The following GPAT3 variants were observed in gnomAD, a reference collection of about 807,000 sequenced individuals.
GPAT3 encodes glycerol-3-phosphate acyltransferase 3.
In GPAT3, 53 loss-of-function variants were observed where a neutral mutation model predicts 58.8. The observed-to-expected ratio is 0.90, with a 90% CI of 0.72 to 1.13. The LOEUF (loss-of-function observed/expected upper bound fraction) is 1.13. GPAT3 is among the 50% of genes most tolerant of loss of function. GPAT3 has a pLI of 0.00. For synonymous variants in GPAT3, 197 were observed against 187.4 expected (o/e 1.05, Z -0.42); for missense variants, 511 against 527.6 (o/e 0.97, Z 0.31).
At chr4:83,579,017 C>CCTTTCCTTCTTT (rs1725953106) in intron 2 of GPAT3, among the ~76,000 whole-genome samples, 3 of 46,528 alleles carry the variant, frequency 6.4e-5, no homozygotes, top group Non-Finnish European at 1.2e-4. Context: ...TCCTTCTTTC[C>CCTTTCCTTCTTT]CTTTCTTTCT....
chr4:83,539,504 C>G (rs1015590662), intron 1 of GPAT3, among the ~76,000 whole-genome samples: 1 of 152,190 alleles, frequency 6.6e-6, no homozygotes, highest in Non-Finnish European at 1.5e-5. Context: ...AACTCAAATT[C>G]TAGAAGTTGA....
intron 3 of GPAT3, among the ~76,000 whole-genome samples, chr4:83,583,624 G>A (rs56003368): frequency 0.2 from 25,502 of 124,710 alleles, 2,989 homozygotes; most frequent in East Asian, 0.36. Context: ...CCAGGATCAC[G>A]CTACTACACT....
chr4:83,590,194 T>C lies in GPAT3; in HGVS notation c.645-5T>C, dbSNP rs759048988. On this transcript the variant is annotated splice_region_variant and splice_polypyrimidine_tract_variant and intron_variant, in intron 5 of 11. Coordinates refer to ENST00000264409, the MANE Select transcript of GPAT3 (RefSeq NM_032717.5). ...CTTCGAATTTTCCATTGTTTGTAAT[T>C]GCAGGCAGTACAGACCCCAGAAGGG... The C allele has an allele frequency of 4.3e-6, 7 of 1,609,948 alleles. No individual in the cohort carries two copies. In the South Asian group the frequency reaches 7.8e-5, roughly 18 times the overall value.
At chr4:83,566,216 T>C (rs1725376594) in intron 2 of GPAT3, among the ~76,000 whole-genome samples, 1 of 152,088 alleles carries the variant, frequency 6.6e-6, no homozygotes, top group South Asian at 2.1e-4. Context: ...ATTTTTGTAT[T>C]TTTGTAGAGA....
chr4:83,547,078 G>A (rs1257588811), intron 2 of GPAT3, among the ~76,000 whole-genome samples: 1 of 151,972 alleles, frequency 6.6e-6, no homozygotes, highest in African/African-American at 2.4e-5. Flanking sequence ...AGAGCACCAT[G>A]TCTCTGTACC....
chr4:83,554,783 A>G (rs1724887716), intron 2 of GPAT3, among the ~76,000 whole-genome samples: 1 of 149,536 alleles, frequency 6.7e-6, no homozygotes, highest in African/African-American at 2.5e-5. Context: ...TACACATGGA[A>G]TGGAATGGAA....
intron 2 of GPAT3, among the ~76,000 whole-genome samples, chr4:83,576,412 TTTTATTTATTTATTTATTTA>T (rs35514780): frequency 6.3e-5 from 9 of 142,684 alleles, no homozygotes; most frequent in African/African-American, 2.3e-4. Flanking sequence ...GAAAATATCA[TTTTATTTATTTATTTATTTA>T]TTTATTTATT....
At chr4:83,596,940 A>G (rs931447108) in intron 8 of GPAT3, 27 bp downstream of exon 8, 8 of 1,587,916 alleles carry the variant, frequency 5.0e-6, no homozygotes, top group African/African-American at 4.1e-5. Flanking sequence ...CTCCCGAGCT[A>G]TAGTTGATAA....
intron 3 of GPAT3, among the ~76,000 whole-genome samples, chr4:83,582,720 G>A (rs1726193143): frequency 6.6e-6 from 1 of 152,052 alleles, no homozygotes; most frequent in East Asian, 1.9e-4. Flanking sequence ...TTATTACCAG[G>A]GAAAGTATTG....
intron 2 of GPAT3, among the ~76,000 whole-genome samples, chr4:83,558,256 A>G (rs12331142): frequency 0.16 from 24,624 of 152,004 alleles, 2,289 homozygotes; most frequent in East Asian, 0.31. Flanking sequence ...TGATGAATGA[A>G]CCATCAGAGA....
At chr4:83,603,025 G>A (rs1025882701) in intron 11 of GPAT3, among the ~76,000 whole-genome samples, 7 of 152,138 alleles carry the variant, frequency 4.6e-5, no homozygotes, top group Admixed American at 1.3e-4. Context: ...GTCTCAAGCC[G>A]GTGTCTCTGT....
At chr4:83,595,611 T>C (rs142817922) in intron 7 of GPAT3, among the ~76,000 whole-genome samples, 3,411 of 152,016 alleles carry the variant, frequency 0.022, 119 homozygotes, top group African/African-American at 0.078. Context: ...TGGTCCCAGC[T>C]ACTTGGGAGG....
intron 2 of GPAT3, among the ~76,000 whole-genome samples, chr4:83,564,470 G>A (rs555626281): frequency 2.6e-5 from 4 of 152,164 alleles, no homozygotes; most frequent in African/African-American, 7.2e-5. Flanking sequence ...AGGCTGAGGC[G>A]GGAGGATAGC....
intron 2 of GPAT3, among the ~76,000 whole-genome samples, chr4:83,557,222 A>C (rs1259409021): frequency 6.6e-6 from 1 of 152,240 alleles, no homozygotes; most frequent in Non-Finnish European, 1.5e-5. Context: ...TCAGTTATAA[A>C]AAAGGGGAGG....
intron 2 of GPAT3, among the ~76,000 whole-genome samples, chr4:83,570,275 T>C (rs965695836): frequency 6.6e-6 from 1 of 152,164 alleles, no homozygotes; most frequent in African/African-American, 2.4e-5. Context: ...TTGGAGATAA[T>C]ACAGAATACC....
rs74714638 is a variant in GPAT3, at chr4:83,571,508, A to G, written c.209-10054A>G. Reference sequence around the variant, plus strand: ...TTATAGTTTTAAAAATAACATCTTAAGTATTTTTCTCAATGTAAGTATTTT... The same window carrying G: ...TTATAGTTTTAAAAATAACATCTTAGGTATTTTTCTCAATGTAAGTATTTT... On this transcript the variant is annotated intron_variant, in intron 2 of 11. Transcript: ENST00000264409. Among the ~76,000 whole-genome samples the G allele has an allele frequency of 1.2e-3, 177 of 151,992 alleles. 1 individual carries two copies. Among genetic ancestry groups the G allele is most frequent in the African/African-American group, 4.0e-3 (167 of 41,498 alleles).
intron 2 of GPAT3, among the ~76,000 whole-genome samples, chr4:83,579,121 T>C: frequency 8.3e-6 from 1 of 121,086 alleles, no homozygotes; most frequent in Non-Finnish European, 1.8e-5. Flanking sequence ...CTTCCTTCCT[T>C]CCTTCCTTTC....
At chr4:83,597,931 A>G (rs770577977) in intron 9 of GPAT3, 120 bp from the exon 10 acceptor site, 10 of 1,192,222 alleles carry the variant, frequency 8.4e-6, no homozygotes, top group Non-Finnish European at 1.2e-5. Context: ...CCATCAAGTG[A>G]AATAACTTTT....
intron 2 of GPAT3, among the ~76,000 whole-genome samples, chr4:83,578,526 A>T (rs1367264030): frequency 6.6e-6 from 1 of 152,148 alleles, no homozygotes; most frequent in Non-Finnish European, 1.5e-5. Flanking sequence ...TTGCATTCTT[A>T]TCTCTGGCCC....
Sources: gnomAD v4.1 joint callset for allele counts (sites outside exome capture counted in the v4.1 genomes callset) on GRCh38, gnomAD v4.1.1 for gene constraint, MANE v1.5 for transcripts, NCBI Gene and HGNC (gene_info 2026-07-23, HGNC 2026-07-21) for gene names.